The following ADGB variants were observed in gnomAD, a reference collection of about 807,000 sequenced individuals.
The protein encoded by ADGB is androglobin.
A neutral mutation model predicts 210.5 loss-of-function variants in ADGB; 172 were observed. That is an observed-to-expected ratio of 0.82 (90% CI 0.72 to 0.93). The LOEUF is 0.93. ADGB is among the 40% of genes least tolerant of loss of function. The pLI is 0.00. For missense variants in ADGB, 2,025 were observed against 1,964.8 expected, an observed-to-expected ratio of 1.03 and a Z score of -0.58; for synonymous variants, 658 against 662.7, an observed-to-expected ratio of 0.99 and a Z score of 0.11.
chr6:146,786,247 C>A (rs376392044), intron 32 of ADGB, among the ~76,000 whole-genome samples: 3 of 149,082 alleles, frequency 2.0e-5, no homozygotes, highest in African/African-American at 7.4e-5. Context: ...TCAATAAGGA[C>A]ACAGGCACCA....
chr6:146,614,638 G>A (rs909345533), intron 1 of ADGB, among the ~76,000 whole-genome samples: 10 of 152,164 alleles, frequency 6.6e-5, no homozygotes, highest in African/African-American at 2.4e-4. Context: ...CATACAATGT[G>A]TAATAATCAA....
intron 35 of ADGB, among the ~76,000 whole-genome samples, chr6:146,814,614 T>G (rs1223484331): frequency 6.6e-6 from 1 of 152,160 alleles, no homozygotes; most frequent in Non-Finnish European, 1.5e-5. Flanking sequence ...GCCATACTAT[T>G]TGGAGCTTCA....
chr6:146,811,036 T>A (rs1053786463), intron 35 of ADGB, among the ~76,000 whole-genome samples: 14 of 152,216 alleles, frequency 9.2e-5, no homozygotes, highest in Admixed American at 2.0e-4. Flanking sequence ...AATTTAATAT[T>A]TTATACATCT....
At position 146,807,435 on chromosome 6, in the gene ADGB, G is replaced by A. The variant is rs1340401712; in HGVS notation, c.4818+5424G>A. Reference sequence around the variant, plus strand: ...AGATGAAGCCCGACAGAAAATTTTCGACATCCGGGAAGAGTACAGAAACAA... The same window carrying A: ...AGATGAAGCCCGACAGAAAATTTTCAACATCCGGGAAGAGTACAGAAACAA... On this transcript the variant is annotated intron_variant, in intron 35 of 35. Transcript: ENST00000397944. 1.5e-5 allele frequency: 23 copies of A among 1,551,358 alleles called. No individual in the cohort carries two copies. In the Admixed American group the frequency reaches 3.3e-4, roughly 23 times the overall value.
At chr6:146,782,992 A>C (rs1415731981) in intron 30 of ADGB, among the ~76,000 whole-genome samples, 2 of 152,212 alleles carry the variant, frequency 1.3e-5, no homozygotes, top group Non-Finnish European at 2.9e-5. Flanking sequence ...GATCAGATTT[A>C]CATTTCAGAT....
intron 13 of ADGB, among the ~76,000 whole-genome samples, chr6:146,703,170 A>C (rs62434372): frequency 0.12 from 17,501 of 151,788 alleles, 1,104 homozygotes; most frequent in Admixed American, 0.16. Context: ...GTTCTTTGTG[A>C]AATATGGAGA....
chr6:146,620,333 A>C (rs1748614393), intron 1 of ADGB, among the ~76,000 whole-genome samples: 1 of 152,074 alleles, frequency 6.6e-6, no homozygotes, highest in African/African-American at 2.4e-5. Context: ...AGGTTTGGGA[A>C]ATTTTCAGCC....
intron 26 of ADGB, among the ~76,000 whole-genome samples, chr6:146,751,283 G>A (rs1405247654): frequency 2.0e-5 from 3 of 151,858 alleles, no homozygotes; most frequent in Non-Finnish European, 4.4e-5. Context: ...TTCCAGCTTC[G>A]TCTATGTGCC....
intron 26 of ADGB, among the ~76,000 whole-genome samples, chr6:146,747,734 T>G (rs916064423): frequency 6.6e-6 from 1 of 151,496 alleles, no homozygotes; most frequent in Non-Finnish European, 1.5e-5. Flanking sequence ...ATAGCATGAA[T>G]TTTTAAAAAT....
chr6:146,782,703 G>A (rs1777819212), intron 30 of ADGB, among the ~76,000 whole-genome samples: 1 of 152,086 alleles, frequency 6.6e-6, no homozygotes, highest in Non-Finnish European at 1.5e-5. Context: ...AGCTGGAAAA[G>A]GGCCTTAAAG....
At chr6:146,669,723 G>C (rs919057908) in intron 7 of ADGB, among the ~76,000 whole-genome samples, 4 of 152,046 alleles carry the variant, frequency 2.6e-5, no homozygotes, top group Admixed American at 2.0e-4. Flanking sequence ...CTCCTGTCCT[G>C]TAACTTTAAA....
chr6:146,666,571 T>C (rs937662061), intron 6 of ADGB, among the ~76,000 whole-genome samples: 1 of 151,950 alleles, frequency 6.6e-6, no homozygotes, highest in Admixed American at 6.6e-5. Flanking sequence ...AGCATTAATA[T>C]TACTTTTAGA....
At chr6:146,609,662 T>G (rs188681377) in intron 1 of ADGB, among the ~76,000 whole-genome samples, 4 of 152,332 alleles carry the variant, frequency 2.6e-5, no homozygotes, top group African/African-American at 9.6e-5. Context: ...TCCCTTAGCA[T>G]ATGCTTGTTT....
intron 27 of ADGB, among the ~76,000 whole-genome samples, chr6:146,759,324 G>C (rs1218762345): frequency 6.6e-6 from 1 of 151,662 alleles, no homozygotes; most frequent in Non-Finnish European, 1.5e-5. Context: ...CAGAATATCT[G>C]TATATCTTAT....
intron 1 of ADGB, among the ~76,000 whole-genome samples, chr6:146,612,312 A>T (rs1780724068): frequency 6.6e-6 from 1 of 152,238 alleles, no homozygotes; most frequent in Non-Finnish European, 1.5e-5. Flanking sequence ...GCTCATGTTC[A>T]AGTGGACAAA....
intron 3 of ADGB, among the ~76,000 whole-genome samples, chr6:146,648,804 G>T (rs745850450): frequency 7.3e-5 from 11 of 151,494 alleles, no homozygotes; most frequent in Non-Finnish European, 1.6e-4. Flanking sequence ...TAAATAAGAA[G>T]AAAATTTATA....
chr6:146,620,228 A>G (rs1235757762), intron 1 of ADGB, among the ~76,000 whole-genome samples: 1 of 152,000 alleles, frequency 6.6e-6, no homozygotes, highest in Non-Finnish European at 1.5e-5. Context: ...TTGGTAACTT[A>G]ATTATGATGT....
chr6:146,689,054 G>A (rs543491673), intron 10 of ADGB, among the ~76,000 whole-genome samples: 1 of 152,076 alleles, frequency 6.6e-6, no homozygotes, highest in East Asian at 1.9e-4. Flanking sequence ...ATGTAGATCT[G>A]AGAGTTTTAA....
intron 1 of ADGB, among the ~76,000 whole-genome samples, chr6:146,619,002 C>T (rs1780845401): frequency 6.7e-6 from 1 of 149,026 alleles, no homozygotes; most frequent in Non-Finnish European, 1.5e-5. Context: ...CCCTCTATGT[C>T]TATTAATATT....
Sources: gnomAD v4.1 joint callset for allele counts (sites outside exome capture counted in the v4.1 genomes callset) on GRCh38, gnomAD v4.1.1 for gene constraint, MANE v1.5 for transcripts, NCBI Gene and HGNC (gene_info 2026-07-23, HGNC 2026-07-21) for gene names.